The following SLC36A1 variants were observed in gnomAD, a reference collection of about 807,000 sequenced individuals.
The protein encoded by SLC36A1 is proton-coupled amino acid transporter 1.
In SLC36A1, 30 loss-of-function variants were observed where a neutral mutation model predicts 47.5. That is an observed-to-expected ratio of 0.63 (90% CI 0.47 to 0.86). SLC36A1 has a LOEUF of 0.86. Among genes scored for constraint, SLC36A1 ranks in the 40% least tolerant of loss-of-function variants. The pLI is 0.00. For missense variants in SLC36A1, 517 were observed against 606.0 expected (o/e 0.85, Z 1.54); for synonymous variants, 255 against 249.7 (o/e 1.02, Z -0.20).
intron 7 of SLC36A1, 79 bp from the exon 8 acceptor site, chr5:151,473,594 C>G: frequency 1.1e-6 from 1 of 911,070 alleles, no homozygotes; most frequent in East Asian, 2.4e-5. Flanking sequence ...GGTATGACCT[C>G]TCCGATTCAG....
chr5:151,533,398 AC>A, the SLC36A1 span, among the ~76,000 whole-genome samples: 1 of 112,694 alleles, frequency 8.9e-6, no homozygotes, highest in Admixed American at 8.8e-5. Context: ...TCTCCAACAC[AC>A]ACACACACAC....
the SLC36A1 span, among the ~76,000 whole-genome samples, chr5:151,532,524 G>A: frequency 1.3e-5 from 2 of 152,144 alleles, no homozygotes; most frequent in Non-Finnish European, 2.9e-5. Flanking sequence ...TTATCCTACT[G>A]CTATGTAAGA....
At chr5:151,550,502 A>G in the SLC36A1 span, 1 of 1,429,226 alleles carries the variant, frequency 7.0e-7, no homozygotes, top group South Asian at 1.3e-5. Flanking sequence ...TATGAGGGGA[A>G]GGGGGACCTT....
intron 1 of SLC36A1, among the ~76,000 whole-genome samples, chr5:151,458,040 G>T (rs1436249070): frequency 6.6e-6 from 1 of 151,646 alleles, no homozygotes; most frequent in East Asian, 1.9e-4. Flanking sequence ...TAGAGACGGG[G>T]TTTCTCCATG....
At chr5:151,351,377 T>C in the SLC36A1 span, among the ~76,000 whole-genome samples, 82,074 of 150,534 alleles carry the variant, frequency 0.55, 25,497 homozygotes, top group African/African-American at 0.87. Context: ...AGTGAAACTC[T>C]GTCTCAAAAA....
chr5:151,434,669 G>T (rs2127435370), upstream of SLC36A1, among the ~76,000 whole-genome samples: 2 of 152,224 alleles, frequency 1.3e-5, no homozygotes, highest in Non-Finnish European at 2.9e-5. Context: ...ATTAAGAAGG[G>T]GGATCTCTGG....
the SLC36A1 span, chr5:151,527,931 GA>G: frequency 1.3e-6 from 2 of 1,570,114 alleles, no homozygotes; most frequent in Non-Finnish European, 1.7e-6. Context: ...TCATCTTCTG[GA>G]CCTGCAGTGG....
chr5:151,525,730 C>T, the SLC36A1 span: 1 of 1,610,448 alleles, frequency 6.2e-7, no homozygotes, highest in Non-Finnish European at 8.5e-7. Flanking sequence ...TCTTTACTGT[C>T]CCCATGGTCA....
At chr5:151,380,390 A>G in the SLC36A1 span, 1 of 378,694 alleles carries the variant, frequency 2.6e-6, no homozygotes, top group Non-Finnish European at 5.3e-6. Context: ...GTGAGCAGGA[A>G]AAACAAGAGC....
rs1758531501 is a variant in SLC36A1, at chr5:151,479,509, T to C, written c.1159+20T>C. On this transcript the variant is annotated intron_variant, in intron 10 of 10. Transcript: ENST00000243389. ...TGACATGTGAGTAGAAGATGATAAT[T>C]GCCTTGCTTGTTTTTCCCTAAAGGG... is the stretch of plus-strand genomic sequence containing the variant. 6.2e-7 allele frequency: 1 copy of C among 1,603,736 alleles called. No homozygotes were observed. Among genetic ancestry groups the C allele is most frequent in the South Asian group, 1.1e-5 (1 of 90,350 alleles).
chr5:151,524,948 T>G, the SLC36A1 span, among the ~76,000 whole-genome samples: 1 of 152,236 alleles, frequency 6.6e-6, no homozygotes, highest in Non-Finnish European at 1.5e-5. Flanking sequence ...TTATCATCAT[T>G]TGTAAAGATG....
chr5:151,431,249 C>G, the SLC36A1 span: 1 of 152,178 alleles, frequency 6.6e-6, no homozygotes, highest in Non-Finnish European at 1.5e-5. Context: ...AGGTCTCAAG[C>G]CCAGAAGCTT....
At chr5:151,522,032 C>G in the SLC36A1 span, 1 of 1,611,992 alleles carries the variant, frequency 6.2e-7, no homozygotes. Context: ...TGCTCTGTGA[C>G]ATGGACACGG....
chr5:151,378,165 C>A, the SLC36A1 span: 2 of 293,838 alleles, frequency 6.8e-6, no homozygotes, highest in South Asian at 9.1e-5. Flanking sequence ...GCAGGACAAT[C>A]ATTCACTTTT....
chr5:151,484,155 A>C (rs944466996), intron 10 of SLC36A1, among the ~76,000 whole-genome samples: 1 of 152,110 alleles, frequency 6.6e-6, no homozygotes, highest in Non-Finnish European at 1.5e-5. Context: ...CCACTTAACT[A>C]TCATGAAGTG....
chr5:151,480,570 G>A lies in SLC36A1; in HGVS notation c.1159+1081G>A, dbSNP rs78559633. On this transcript the variant is annotated intron_variant, in intron 10 of 10. Transcript: ENST00000243389. Reference sequence around the variant, plus strand: ...AGCTAATCCAGGGGCCAGGGCTGTTGAAAGCCAGCTGCTGTTCCCACAGCG... The same window carrying A: ...AGCTAATCCAGGGGCCAGGGCTGTTAAAAGCCAGCTGCTGTTCCCACAGCG... Among the ~76,000 whole-genome samples, 22 of 152,322 alleles carry A rather than the reference G, an allele frequency of 1.4e-4. No individual in the cohort carries two copies. The East Asian group carries it at 4.1e-3, about 28-fold the overall frequency.
the SLC36A1 span, chr5:151,543,715 G>C: frequency 1.2e-6 from 2 of 1,614,058 alleles, no homozygotes; most frequent in Non-Finnish European, 1.7e-6. Flanking sequence ...GGCATTTGTA[G>C]TGTTGATGTA....
the SLC36A1 span, among the ~76,000 whole-genome samples, chr5:151,538,261 G>C: frequency 6.6e-6 from 1 of 152,238 alleles, no homozygotes; most frequent in South Asian, 2.1e-4. Context: ...CCCACAGGCA[G>C]GGCTAGAAGG....
the SLC36A1 span, chr5:151,512,375 A>G: frequency 2.7e-5 from 44 of 1,614,224 alleles, no homozygotes; most frequent in South Asian, 4.7e-4. The surrounding 1 kb of genome is among the most constrained non-coding windows in gnomAD (Gnocchi z 4.1). Context: ...GAAGAATGCA[A>G]CAGAATGAGG....
Sources: gnomAD v4.1 joint callset for allele counts (sites outside exome capture counted in the v4.1 genomes callset) on GRCh38, gnomAD v4.1.1 for gene constraint, Gnocchi (gnomAD v3.1) non-coding constraint, MANE v1.5 for transcripts, NCBI Gene and HGNC (gene_info 2026-07-23, HGNC 2026-07-21) for gene names.